The following KIRREL1 variants were observed in gnomAD, a reference collection of about 807,000 sequenced individuals.
KIRREL1 encodes the protein kin of IRRE-like protein 1.
Under a neutral mutation model 83.3 loss-of-function variants are expected in KIRREL1, and 25 were observed. The ratio of observed to expected loss-of-function variants is 0.30; its 90% CI spans 0.22 to 0.42. The LOEUF is 0.42. Among genes scored for constraint, KIRREL1 ranks in the 10% least tolerant of loss-of-function variants. The probability of loss-of-function intolerance (pLI) is 1.00; values close to 1 mark genes in which losing one functional copy is unlikely to be tolerated. For synonymous variants in KIRREL1, 388 were observed against 410.4 expected (o/e 0.95, Z 0.66); for missense variants, 812 against 1,032.3 (o/e 0.79, Z 2.92).
At chr1:158,036,621 G>C (rs16839658) in intron 1 of KIRREL1, among the ~76,000 whole-genome samples, 1 of 152,064 alleles carries the variant, frequency 6.6e-6, no homozygotes, top group Non-Finnish European at 1.5e-5. Flanking sequence ...GTCACAACCC[G>C]GGAAAGAGAG....
chr1:158,098,670 G>A lies in KIRREL1; in HGVS notation c.*3550G>A, dbSNP rs990712558. On this transcript the variant is annotated 3_prime_UTR_variant, in exon 15 of 15. Coordinates refer to ENST00000359209, the MANE Select transcript of KIRREL1 (RefSeq NM_018240.7). ...GGATCCCTCAAAGTCCAGCCACAGAGTTTGCATGAAGCAAAAAGCCTAGTA... is the reference window on the plus strand; with the variant it reads ...GGATCCCTCAAAGTCCAGCCACAGAATTTGCATGAAGCAAAAAGCCTAGTA... 2.0e-4 allele frequency: 31 copies of A among 152,404 alleles called. No homozygotes were observed. Among genetic ancestry groups the A allele is most frequent in the African/African-American group, 7.2e-4 (30 of 41,600 alleles). 9.4% of individuals were successfully genotyped at this position (152,404 alleles called of 1,614,324 possible). A position where few individuals can be genotyped will look rare whatever the true frequency, so the allele number is the denominator to read the frequency against.
At chr1:158,000,261 TCTC>T (rs377356439) in intron 1 of KIRREL1, among the ~76,000 whole-genome samples, 59 of 152,322 alleles carry the variant, frequency 3.9e-4, no homozygotes, top group African/African-American at 1.3e-3. Context: ...GACAGATATC[TCTC>T]ATCTTTACCC....
intron 1 of KIRREL1, among the ~76,000 whole-genome samples, chr1:158,004,699 T>A: frequency 6.6e-6 from 1 of 152,134 alleles, no homozygotes; most frequent in East Asian, 1.9e-4. Context: ...ATCCCAGCAC[T>A]TTGGGAGGTC....
chr1:158,060,965 C>A (rs1283157069), intron 1 of KIRREL1, among the ~76,000 whole-genome samples: 1 of 152,128 alleles, frequency 6.6e-6, no homozygotes, highest in Non-Finnish European at 1.5e-5. Context: ...TTAAACTGCT[C>A]CTGTCCCCAC....
chr1:158,074,088 G>A (rs999377509), intron 1 of KIRREL1, among the ~76,000 whole-genome samples: 8 of 152,180 alleles, frequency 5.3e-5, no homozygotes, highest in African/African-American at 1.9e-4. Flanking sequence ...TGAGGACAAT[G>A]CTTGAATTAA....
At chr1:158,000,940 T>C (rs1175243146) in intron 1 of KIRREL1, among the ~76,000 whole-genome samples, 1 of 152,192 alleles carries the variant, frequency 6.6e-6, no homozygotes, top group Non-Finnish European at 1.5e-5. Flanking sequence ...CCTTTTGCAA[T>C]CTGGCTCTGG....
chr1:158,059,538 G>A (rs182200679), intron 1 of KIRREL1, among the ~76,000 whole-genome samples: 5 of 152,126 alleles, frequency 3.3e-5, no homozygotes, highest in African/African-American at 9.7e-5. Context: ...CTAACTGAGG[G>A]CCCTCATCTC....
chr1:158,088,122 G>A lies in KIRREL1; in HGVS notation c.884G>A (p.Ser295Asn), dbSNP rs1265293095. ...VSCEVHNKVG[S>N]TNVSTLVNVH... ...TGTGAGGTTCACAACAAAGTGGGAA[G>A]CACCAATGTCAGCACTTTAGTAAAT... Residue 295 changes from serine (S) to asparagine (N), a missense_variant, in exon 7 of 15, where the codon AGC becomes AAC. Transcript: ENST00000359209. 3.1e-6 allele frequency: 5 copies of A among 1,614,082 alleles called. No individual in the cohort carries two copies. The highest frequency in any genetic ancestry group is 1.1e-5 in the South Asian group (1 of 91,096).
rs1032008616 is a variant in KIRREL1, at chr1:158,100,130, C to T, written c.*5010C>T. ...TAGCAATGTGTATCTGTGTGTCCCT[C>T]ACACCTTTTCCTATTCTACTTTTTT... On this transcript the variant is annotated 3_prime_UTR_variant, in exon 15 of 15. Transcript: ENST00000359209. The T allele has an allele frequency of 2.6e-5, 4 of 151,764 alleles. No homozygotes were observed. Among genetic ancestry groups the T allele is most frequent in the Non-Finnish European group, 4.4e-5 (3 of 67,984 alleles). The allele number at this position is 151,764 out of a possible 1,614,324, so 9.4% of individuals were successfully genotyped here.
Position 158,089,575 on chromosome 1 carries a change from C to T in KIRREL1, c.1118C>T (p.Ala373Val). 6.2e-7 allele frequency: 1 copy of T among 1,614,080 alleles called. No individual in the cohort carries two copies. Among genetic ancestry groups the T allele is most frequent in the Non-Finnish European group, 8.5e-7 (1 of 1,179,988 alleles). The change falls in exon 9 of 15, where the codon GCC (alanine) becomes GTC (valine). Residue 373 changes from alanine to valine, a missense_variant. Ala to Val is a moderately conservative substitution (Grantham distance 64, BLOSUM62 0). Coordinates refer to ENST00000359209, the MANE Select transcript of KIRREL1 (RefSeq NM_018240.7). Reference protein sequence around the residue: ...QADAGTYTCRAIVPRIGVAER... With the variant: ...QADAGTYTCRVIVPRIGVAER... ...GACGCTGGCACCTACACCTGCCGGG[C>T]CATCGTGCCTCGAATCGGAGTGGCT...
In KIRREL1 at chr1:158,089,641, C is replaced by A. The variant is rs1662131276; in HGVS notation, c.1171+13C>A. The A allele has an allele frequency of 1.2e-6, 2 of 1,613,062 alleles. No homozygotes were observed. The highest frequency in any genetic ancestry group is 4.5e-5 in the East Asian group (2 of 44,846). ...CTCTATGTGAACGGTGAGTGAGTGGCCTGAGAGGCAGCCGGGCCTGGGCGG... is the reference window on the plus strand; with the variant it reads ...CTCTATGTGAACGGTGAGTGAGTGGACTGAGAGGCAGCCGGGCCTGGGCGG... On this transcript the variant is annotated intron_variant, in intron 9 of 14. Transcript: ENST00000359209.
chr1:158,002,996 C>T (rs1029037595), intron 1 of KIRREL1, among the ~76,000 whole-genome samples: 20 of 152,288 alleles, frequency 1.3e-4, no homozygotes, highest in East Asian at 7.7e-4. Flanking sequence ...TGTCCAGTTC[C>T]GTACTCTCCA....
At chr1:158,078,833 C>T (rs1377534769) in intron 3 of KIRREL1, among the ~76,000 whole-genome samples, 1 of 152,182 alleles carries the variant, frequency 6.6e-6, no homozygotes, top group Non-Finnish European at 1.5e-5. Flanking sequence ...GGCAGCCACC[C>T]ACTGGGGGAC....
chr1:158,000,112 T>C (rs1659318629), intron 1 of KIRREL1, among the ~76,000 whole-genome samples: 1 of 152,146 alleles, frequency 6.6e-6, no homozygotes, highest in Non-Finnish European at 1.5e-5. Context: ...CACACCTACC[T>C]GTTCTGCATT....
At chr1:158,092,382 C>G (rs1662224961) in intron 11 of KIRREL1, among the ~76,000 whole-genome samples, 1 of 123,634 alleles carries the variant, frequency 8.1e-6, no homozygotes, top group African/African-American at 3.1e-5. Context: ...GAGTCTTGCT[C>G]TGTCGCCCAG....
intron 1 of KIRREL1, among the ~76,000 whole-genome samples, chr1:158,072,479 T>C (rs1202563058): frequency 2.0e-5 from 3 of 152,040 alleles, no homozygotes; most frequent in African/African-American, 7.2e-5. Flanking sequence ...GCCAGTGCAG[T>C]GTGGGCCCTA....
At chr1:158,011,457 G>A (rs955840299) in intron 1 of KIRREL1, among the ~76,000 whole-genome samples, 3 of 152,230 alleles carry the variant, frequency 2.0e-5, no homozygotes, top group African/African-American at 7.2e-5. Flanking sequence ...CGGAAGCTGG[G>A]AGAAGCCTAG....
rs908794662 is a variant in KIRREL1, at chr1:158,094,074, G to A, written c.1720-239G>A. 6.6e-6 allele frequency among the ~76,000 whole-genome samples: 1 copy of A among 152,186 alleles called. No homozygotes were observed. The highest frequency in any genetic ancestry group is 1.5e-5 in the Non-Finnish European group (1 of 68,042). On this transcript the variant is annotated intron_variant, in intron 13 of 14. Coordinates refer to ENST00000359209, the MANE Select transcript of KIRREL1 (RefSeq NM_018240.7). The surrounding 1 kb of genome is among the most constrained non-coding windows in gnomAD (Gnocchi z 4.6). ...AGATGAGGAAACAGCCCTGGAGAGG[G>A]GCAGTGACATATACAAGGTCACATT...
chr1:158,013,604 A>G (rs909544848), intron 1 of KIRREL1, among the ~76,000 whole-genome samples: 9 of 152,190 alleles, frequency 5.9e-5, no homozygotes, highest in African/African-American at 2.2e-4. Flanking sequence ...CAACCCTTGA[A>G]TGTTACAAAT....
Sources: allele counts gnomAD v4.1 joint callset (sites outside exome capture counted in the v4.1 genomes callset), GRCh38; gene constraint gnomAD v4.1.1; non-coding constraint Gnocchi (gnomAD v3.1); transcripts MANE v1.5; gene names NCBI Gene and HGNC (gene_info 2026-07-23, HGNC 2026-07-21).